Variants in CCDC14 observed in about 807,000 individuals in gnomAD.
CCDC14 encodes the protein coiled-coil domain containing 14, also known as coiled-coil domain-containing protein 14.
In CCDC14, 71 loss-of-function variants were observed where a neutral mutation model predicts 81.4. The observed-to-expected ratio is 0.87, with a 90% CI of 0.72 to 1.06. The LOEUF is 1.06. Among genes scored for constraint, CCDC14 ranks in the 50% least tolerant of loss-of-function variants. The pLI, the probability that CCDC14 is intolerant of heterozygous loss-of-function variation, is 0.00. For missense variants in CCDC14, 1,046 were observed against 1,047.3 expected (o/e 1.00, Z 0.02); for synonymous variants, 332 against 364.8 (o/e 0.91, Z 1.03).
At chr3:123,937,413 A>G (rs1316702311) in intron 9 of CCDC14, among the ~76,000 whole-genome samples, 2 of 151,984 alleles carry the variant, frequency 1.3e-5, no homozygotes, top group African/African-American at 2.4e-5. Context: ...TTTCCTAATC[A>G]TTACTGATAA....
Position 123,914,968 on chromosome 3 carries a change from A to G in CCDC14, c.2529T>C (p.Leu843=). ...CACAGACAGTATTGCCTTTCACTTG[A>G]AGGCTGTTGCTAAGACAACCTGATG... ...HGPSGCLSNS[L]QVKGNTVCDG... The change falls in exon 13 of 13, where the codon CTT becomes CTC. Residue 843 remains leucine, a synonymous_variant. Coordinates refer to ENST00000409697, the MANE Select transcript of CCDC14 (RefSeq NM_001366335.1). The G allele has an allele frequency of 6.2e-7, 1 of 1,613,918 alleles. No individual in the cohort carries two copies. Among genetic ancestry groups the G allele is most frequent in the East Asian group, 2.2e-5 (1 of 44,900 alleles).
chr3:123,923,184 T>C (rs891018645), intron 12 of CCDC14, among the ~76,000 whole-genome samples: 11 of 152,074 alleles, frequency 7.2e-5, no homozygotes, highest in African/African-American at 2.4e-4. Context: ...TAAAACTATA[T>C]GATCATCGCA....
downstream of CCDC14, among the ~76,000 whole-genome samples, chr3:123,909,528 T>C (rs184496457): frequency 1.3e-5 from 2 of 152,338 alleles, no homozygotes; most frequent in Admixed American, 1.3e-4. Context: ...ATTGTTTTAC[T>C]AGCATTATGT....
At chr3:123,952,580 T>C (rs758433970) in intron 5 of CCDC14, 2 of 528,190 alleles carry the variant, frequency 3.8e-6, no homozygotes, top group Non-Finnish European at 7.8e-6. Context: ...CCAGAATGCA[T>C]CATGGTGTGC....
downstream of CCDC14, among the ~76,000 whole-genome samples, chr3:123,910,205 T>C (rs1343017924): frequency 1.3e-5 from 2 of 152,044 alleles, no homozygotes; most frequent in Non-Finnish European, 2.9e-5. Flanking sequence ...AGAATGACAA[T>C]GTGAATATTA....
At chr3:123,940,183 C>T (rs1355683839) in intron 9 of CCDC14, among the ~76,000 whole-genome samples, 5 of 151,738 alleles carry the variant, frequency 3.3e-5, no homozygotes, top group African/African-American at 1.2e-4. Context: ...CAAAAAACTT[C>T]AGGCTTCACA....
intron 5 of CCDC14, among the ~76,000 whole-genome samples, chr3:123,952,348 G>A (rs1417841759): frequency 6.6e-6 from 1 of 152,104 alleles, no homozygotes; most frequent in Admixed American, 6.6e-5. Flanking sequence ...TGGCCTTTAT[G>A]AGTGGCAATC....
intron 9 of CCDC14, 52 bp from the exon 10 acceptor site, chr3:123,933,807 A>G: frequency 1.7e-6 from 2 of 1,206,934 alleles, no homozygotes; most frequent in Non-Finnish European, 2.4e-6. Context: ...CCAATTTAAT[A>G]GTATACATGT....
rs1193462399 is a variant in CCDC14 at position 123,944,905 on chromosome 3, T to G, written c.1287A>C (p.Gln429His). The change falls in exon 9 of 13, where the codon CAA becomes CAC. Residue 429 changes from glutamine (Q) to histidine (H), a missense_variant. Coordinates refer to ENST00000409697, the MANE Select transcript of CCDC14 (RefSeq NM_001366335.1). Reference protein sequence around the residue: ...LPTVSGNTDIQVEIALAMQPL... With the variant: ...LPTVSGNTDIHVEIALAMQPL... Reference sequence around the variant, plus strand: ...GTTGCATGGCCAGTGCTATCTCAACTTGAATATCTGTGTTTCCACTTACTG... The same window carrying G: ...GTTGCATGGCCAGTGCTATCTCAACGTGAATATCTGTGTTTCCACTTACTG... 10 of 1,612,252 alleles carry G rather than the reference T, an allele frequency of 6.2e-6. No individual in the cohort carries two copies. Among genetic ancestry groups the G allele is most frequent in the Non-Finnish European group, 6.8e-6 (8 of 1,178,784 alleles).
downstream of CCDC14, among the ~76,000 whole-genome samples, chr3:123,912,896 A>G (rs2034478903): frequency 6.6e-6 from 1 of 152,146 alleles, no homozygotes; most frequent in Non-Finnish European, 1.5e-5. Context: ...TATTTCAGTC[A>G]GGTTGGTCTA....
At chr3:123,955,516 A>C (rs2037275177) in intron 5 of CCDC14, 1 of 157,410 alleles carries the variant, frequency 6.4e-6, no homozygotes, top group African/African-American at 2.4e-5. Context: ...ATACACTTGA[A>C]ATACAACCAA....
chr3:123,924,924 T>C (rs200662517), intron 12 of CCDC14, among the ~76,000 whole-genome samples: 8 of 143,592 alleles, frequency 5.6e-5, no homozygotes, highest in South Asian at 2.2e-4. Context: ...TATATATATA[T>C]ATACACACAC....
intron 5 of CCDC14, among the ~76,000 whole-genome samples, chr3:123,902,571 A>G (rs1007919890): frequency 3.3e-5 from 5 of 152,246 alleles, no homozygotes; most frequent in African/African-American, 1.2e-4. Context: ...TGCAAAATTC[A>G]GACTGTGGGA....
Position 123,944,889 on chromosome 3 carries a change from C to T in CCDC14, c.1303G>A (p.Ala435Thr), listed in dbSNP as rs529055088. Residue 435 changes from alanine to threonine, a missense_variant, in exon 9 of 13, where the codon GCC becomes ACC. Physicochemically the swap from Ala to Thr is moderately conservative, Grantham distance 58. Coordinates refer to ENST00000409697, the MANE Select transcript of CCDC14 (RefSeq NM_001366335.1). ...NTDIQVEIAL[A>T]MQPLRSENAQ... ...TTCTCACTTCTTAATGGTTGCATGG[C>T]CAGTGCTATCTCAACTTGAATATCT... 1 of 1,611,486 alleles carries T rather than the reference C, an allele frequency of 6.2e-7. No individual in the cohort carries two copies. Among genetic ancestry groups the T allele is most frequent in the South Asian group, 1.1e-5 (1 of 90,720 alleles).
chr3:123,917,481 C>T (rs1270703689), intron 12 of CCDC14, among the ~76,000 whole-genome samples: 2 of 148,810 alleles, frequency 1.3e-5, no homozygotes, highest in Admixed American at 6.7e-5. Context: ...GGCAACAGGG[C>T]GAAACTCCAT....
chr3:123,903,224 C>T (rs2034213019), intron 5 of CCDC14, among the ~76,000 whole-genome samples: 2 of 151,954 alleles, frequency 1.3e-5, no homozygotes, highest in African/African-American at 4.8e-5. Context: ...GATGGACACA[C>T]AGAAGTTCAC....
chr3:123,937,203 G>A (rs1577287871), intron 9 of CCDC14, among the ~76,000 whole-genome samples: 6 of 152,014 alleles, frequency 3.9e-5, no homozygotes, highest in Admixed American at 3.9e-4. Context: ...TAAATATCTA[G>A]GAGTGGACTG....
At chr3:123,952,411 A>G (rs926190179) in intron 5 of CCDC14, among the ~76,000 whole-genome samples, 1 of 152,370 alleles carries the variant, frequency 6.6e-6, no homozygotes, top group African/African-American at 2.4e-5. Flanking sequence ...AGATGAAGAC[A>G]GCAATGTATG....
chr3:123,896,655 G>A (rs1410220573), downstream of CCDC14, among the ~76,000 whole-genome samples: 2 of 152,094 alleles, frequency 1.3e-5, no homozygotes, highest in African/African-American at 4.8e-5. Context: ...GGGTGGGAAG[G>A]GGTTAAAATC....
Sources: allele counts gnomAD v4.1 joint callset (sites outside exome capture counted in the v4.1 genomes callset), GRCh38; gene constraint gnomAD v4.1.1; transcripts MANE v1.5; gene names NCBI Gene and HGNC (gene_info 2026-07-23, HGNC 2026-07-21).